APBA1: variants seen among roughly 807,000 people sequenced by gnomAD.
The protein encoded by APBA1 is amyloid-beta A4 precursor protein-binding family A member 1.
A neutral mutation model predicts 86.6 loss-of-function variants in APBA1; 55 were observed. The observed-to-expected ratio is 0.64, with a 90% CI of 0.51 to 0.80. The LOEUF is 0.80. Ranked by LOEUF, APBA1 falls within the 30% of genes least tolerant of loss-of-function variation. The pLI is 0.00. For synonymous variants in APBA1, 511 were observed against 493.9 expected (o/e 1.03, Z -0.46); for missense variants, 1,090 against 1,183.0 (o/e 0.92, Z 1.15).
chr9:69,504,164 T>C (rs576777466), intron 2 of APBA1, among the ~76,000 whole-genome samples: 1 of 152,210 alleles, frequency 6.6e-6, no homozygotes, highest in South Asian at 2.1e-4. Flanking sequence ...AAATCTTCTC[T>C]TTCTCCCTCC....
intron 1 of APBA1, among the ~76,000 whole-genome samples, chr9:69,532,690 G>A (rs1300408748): frequency 6.6e-6 from 1 of 152,194 alleles, no homozygotes; most frequent in Non-Finnish European, 1.5e-5. Flanking sequence ...CCACCTCACA[G>A]CAGCCTGCTT....
chr9:69,614,018 T>C (rs1822646384), intron 1 of APBA1, among the ~76,000 whole-genome samples: 1 of 152,196 alleles, frequency 6.6e-6, no homozygotes, highest in South Asian at 2.1e-4. Context: ...ATAATTTCCT[T>C]TGTAGTCTTT....
chr9:69,503,914 CT>C (rs1416550361), intron 2 of APBA1, among the ~76,000 whole-genome samples: 1 of 152,032 alleles, frequency 6.6e-6, no homozygotes. Context: ...GATCTTGCAT[CT>C]TTTTTCTTGG....
intron 1 of APBA1, among the ~76,000 whole-genome samples, chr9:69,652,036 A>G (rs1823514338): frequency 6.6e-6 from 1 of 152,210 alleles, no homozygotes; most frequent in African/African-American, 2.4e-5. Context: ...GACACCAGGG[A>G]TGTACACACA....
chr9:69,562,816 C>T (rs1836967557), intron 1 of APBA1, among the ~76,000 whole-genome samples: 2 of 152,194 alleles, frequency 1.3e-5, no homozygotes, highest in Non-Finnish European at 2.9e-5. Context: ...TAACTCTGGG[C>T]TTAACAATAC....
At chr9:69,484,220 T>C (rs1835570788) in intron 2 of APBA1, among the ~76,000 whole-genome samples, 1 of 152,122 alleles carries the variant, frequency 6.6e-6, no homozygotes, top group South Asian at 2.1e-4. Context: ...TAAAAATAAA[T>C]TCTTTACAAC....
At chr9:69,642,440 A>G (rs954052145) in intron 1 of APBA1, among the ~76,000 whole-genome samples, 1 of 152,234 alleles carries the variant, frequency 6.6e-6, no homozygotes, top group Non-Finnish European at 1.5e-5. Flanking sequence ...AAAACTAAAA[A>G]GCCTGAAAAT....
chr9:69,589,219 G>C (rs1019598807), intron 1 of APBA1, among the ~76,000 whole-genome samples: 11 of 152,286 alleles, frequency 7.2e-5, no homozygotes, highest in African/African-American at 2.2e-4. Flanking sequence ...GCCTCCCAAA[G>C]TGCTGGGACT....
At chr9:69,611,434 T>G (rs1225705750) in intron 1 of APBA1, among the ~76,000 whole-genome samples, 4 of 152,178 alleles carry the variant, frequency 2.6e-5, no homozygotes, top group African/African-American at 7.2e-5. Context: ...GTTTTTCTGA[T>G]GCAATTCAGC....
chr9:69,640,156 G>A (rs1823258164), intron 1 of APBA1, among the ~76,000 whole-genome samples: 1 of 152,042 alleles, frequency 6.6e-6, no homozygotes. Flanking sequence ...CATCTATTTT[G>A]CATATGTACA....
At chr9:69,524,982 T>C (rs1385001912) in intron 1 of APBA1, among the ~76,000 whole-genome samples, 2 of 152,146 alleles carry the variant, frequency 1.3e-5, no homozygotes, top group African/African-American at 4.8e-5. Flanking sequence ...ACCAAAACTA[T>C]ATGATCATCT....
rs1322983428 is a variant in APBA1, at chr9:69,436,142, T to C, written c.2302-3466A>G. Among the ~76,000 whole-genome samples the C allele has an allele frequency of 1.3e-5, 2 of 149,954 alleles. 1 individual carries two copies. The highest frequency in any genetic ancestry group is 3.0e-5 in the Non-Finnish European group (2 of 67,152). ...CTGTTCTGTTCCATTGGTCTATATC[T>C]CTGTTTGGTACCAGTACCATGCTGT... On this transcript the variant is annotated intron_variant, in intron 11 of 12. Transcript: ENST00000265381.
chr9:69,658,283 TC>T (rs1823666576), intron 1 of APBA1, among the ~76,000 whole-genome samples: 3 of 16,116 alleles, frequency 1.9e-4, no homozygotes, highest in Admixed American at 7.1e-4. Context: ...TTTCTTTCTT[TC>T]TCTCTCTCTT....
chr9:69,555,852 C>T (rs949182368), intron 1 of APBA1, among the ~76,000 whole-genome samples: 2 of 152,096 alleles, frequency 1.3e-5, no homozygotes, highest in African/African-American at 4.8e-5. Context: ...GCTCATTTAT[C>T]CATTGTGGCC....
chr9:69,668,952 A>T (rs911418852), intron 1 of APBA1, among the ~76,000 whole-genome samples: 6 of 152,218 alleles, frequency 3.9e-5, no homozygotes, highest in Non-Finnish European at 8.8e-5. Context: ...CTCTGCAGGA[A>T]TACTGCTTTT....
chr9:69,653,293 G>A (rs1823544633), intron 1 of APBA1, among the ~76,000 whole-genome samples: 1 of 152,088 alleles, frequency 6.6e-6, no homozygotes, highest in South Asian at 2.1e-4. Context: ...CAACACCAGG[G>A]CACCCAAATA....
At chr9:69,658,995 T>C (rs1823699538) in intron 1 of APBA1, among the ~76,000 whole-genome samples, 1 of 152,168 alleles carries the variant, frequency 6.6e-6, no homozygotes, top group Non-Finnish European at 1.5e-5. Flanking sequence ...TTTGTTTGAA[T>C]GAGAGCATAC....
chr9:69,611,275 A>G (rs60787800), intron 1 of APBA1, among the ~76,000 whole-genome samples: 6,772 of 130,422 alleles, frequency 0.052, 355 homozygotes, highest in African/African-American at 0.13. Context: ...ACATGCAGGG[A>G]CCAGAAAAGG....
At position 69,535,534 on chromosome 9, in the gene APBA1, C is replaced by T. The variant is rs73449430; in HGVS notation, c.-69-18255G>A. 8.9e-3 allele frequency among the ~76,000 whole-genome samples: 1,351 copies of T among 152,220 alleles called. 19 individuals carry two copies. Among genetic ancestry groups the T allele is most frequent in the African/African-American group, 0.031 (1,283 of 41,524 alleles). On this transcript the variant is annotated intron_variant, in intron 1 of 12. Transcript: ENST00000265381. ...ACTCAATCTGAAGAGCTGTGTCTTT[C>T]TTCAGCTTTGGGGAATATTCTATTA... is the stretch of plus-strand genomic sequence containing the variant.
Sources: allele counts gnomAD v4.1 joint callset (sites outside exome capture counted in the v4.1 genomes callset), GRCh38; gene constraint gnomAD v4.1.1; transcripts MANE v1.5; gene names NCBI Gene and HGNC (gene_info 2026-07-23, HGNC 2026-07-21).